Variants in CPEB3 observed in about 807,000 individuals in gnomAD.
The protein encoded by CPEB3 is cytoplasmic polyadenylation element-binding protein 3.
Under a neutral mutation model 67.2 loss-of-function variants are expected in CPEB3, and 20 were observed. The observed-to-expected ratio is 0.30, with a 90% confidence interval of 0.21 to 0.43. CPEB3 has a LOEUF of 0.43. CPEB3 is among the 20% of genes least tolerant of loss of function. CPEB3 has a pLI of 1.00. For missense variants in CPEB3, 746 were observed against 968.6 expected (o/e 0.77, Z 3.05); for synonymous variants, 376 against 393.1 (o/e 0.96, Z 0.51).
At position 92,142,038 on chromosome 10, in the gene CPEB3, AC is replaced by A. The variant is rs138057256; in HGVS notation, c.1453+990del. 2.7e-5 allele frequency among the ~76,000 whole-genome samples: 4 copies of A among 149,190 alleles called. 1 individual carries two copies. Among genetic ancestry groups the A allele is most frequent in the African/African-American group, 1.0e-4 (4 of 39,950 alleles). ...GTCTCAAAAAAAAAAACAAATAAAA[AC>A]AAAAAAAAAAAAAACAAAGAACAAG... is the stretch of plus-strand genomic sequence containing the variant. On this transcript the variant is annotated intron_variant, in intron 6 of 9. Transcript: ENST00000265997.
chr10:92,098,588 G>A (rs745728272), intron 7 of CPEB3, among the ~76,000 whole-genome samples: 2 of 151,960 alleles, frequency 1.3e-5, no homozygotes, highest in East Asian at 1.9e-4. Flanking sequence ...TCCATCCCAG[G>A]CCTTTTCCTC....
chr10:92,120,516 G>A (rs1244892859), intron 6 of CPEB3, among the ~76,000 whole-genome samples: 11 of 151,914 alleles, frequency 7.2e-5, no homozygotes, highest in Non-Finnish European at 1.0e-4. Flanking sequence ...CCCAGGAGGC[G>A]GAGCTTGCAG....
At chr10:92,112,544 T>C (rs1350940135) in intron 6 of CPEB3, among the ~76,000 whole-genome samples, 1 of 152,166 alleles carries the variant, frequency 6.6e-6, no homozygotes, top group African/African-American at 2.4e-5. Flanking sequence ...GGGGACAAAA[T>C]GTGTCACTGA....
chr10:92,268,878 C>A (rs1328545270), intron 1 of CPEB3, among the ~76,000 whole-genome samples: 1 of 152,016 alleles, frequency 6.6e-6, no homozygotes, highest in East Asian at 1.9e-4. Context: ...CACTACGAAA[C>A]CAAGATTTGC....
chr10:92,088,878 C>A (rs1214205497), intron 8 of CPEB3, among the ~76,000 whole-genome samples: 1 of 152,166 alleles, frequency 6.6e-6, no homozygotes, highest in African/African-American at 2.4e-5. Context: ...ATAAAAAATG[C>A]TCTAAAGCAT....
At chr10:92,200,266 C>T (rs1055798749) in intron 2 of CPEB3, among the ~76,000 whole-genome samples, 2 of 151,714 alleles carry the variant, frequency 1.3e-5, no homozygotes, top group African/African-American at 2.4e-5. Flanking sequence ...GCATACAGGC[C>T]GGGCACGGTG....
intron 1 of CPEB3, among the ~76,000 whole-genome samples, chr10:92,280,774 T>TC (rs1176745791): frequency 6.8e-6 from 1 of 147,116 alleles, no homozygotes. Flanking sequence ...TTTTTTTTTT[T>TC]TGGAGACGGA....
At chr10:92,123,095 G>A (rs896282937) in intron 6 of CPEB3, among the ~76,000 whole-genome samples, 1 of 152,286 alleles carries the variant, frequency 6.6e-6, no homozygotes. Context: ...AGCCGGCAGC[G>A]TAGAACCACC....
chr10:92,258,106 T>C (rs961731758), intron 1 of CPEB3, among the ~76,000 whole-genome samples: 6 of 151,638 alleles, frequency 4.0e-5, no homozygotes, highest in Non-Finnish European at 7.4e-5. Context: ...TCTTTCCTTT[T>C]TTTTTTTCTG....
intron 2 of CPEB3, among the ~76,000 whole-genome samples, chr10:92,194,799 T>C (rs1849151735): frequency 6.6e-6 from 1 of 152,108 alleles, no homozygotes; most frequent in East Asian, 1.9e-4. Flanking sequence ...CCCAGCACTT[T>C]GGGAGGCTGA....
chr10:92,107,283 T>C (rs761909604), intron 7 of CPEB3, among the ~76,000 whole-genome samples: 5 of 152,206 alleles, frequency 3.3e-5, no homozygotes, highest in Admixed American at 2.0e-4. Flanking sequence ...TTTGGTAATA[T>C]GGTTTTTAAA....
At chr10:92,247,298 A>C (rs1406275847) in intron 1 of CPEB3, among the ~76,000 whole-genome samples, 1 of 151,988 alleles carries the variant, frequency 6.6e-6, no homozygotes, top group Non-Finnish European at 1.5e-5. Flanking sequence ...GCTAACTGCA[A>C]CCTCCACCTC....
At chr10:92,247,578 G>A (rs1377437228) in intron 1 of CPEB3, among the ~76,000 whole-genome samples, 1 of 152,052 alleles carries the variant, frequency 6.6e-6, no homozygotes, top group African/African-American at 2.4e-5. Flanking sequence ...TGTATTTTTA[G>A]TAGAGATGGG....
intron 8 of CPEB3, 59 bp downstream of exon 8, chr10:92,091,771 G>C: frequency 1.0e-6 from 1 of 991,202 alleles, no homozygotes; most frequent in South Asian, 1.4e-5. Flanking sequence ...TAAGACTAAA[G>C]GCATTGGGGA....
At chr10:92,266,164 G>A (rs1257591863) in intron 1 of CPEB3, among the ~76,000 whole-genome samples, 1 of 152,094 alleles carries the variant, frequency 6.6e-6, no homozygotes, top group African/African-American at 2.4e-5. Flanking sequence ...CTACATAACT[G>A]TAAGAAATAA....
At chr10:92,241,646 G>GCTAT (rs1851856405) in intron 1 of CPEB3, among the ~76,000 whole-genome samples, 1 of 152,072 alleles carries the variant, frequency 6.6e-6, no homozygotes, top group Non-Finnish European at 1.5e-5. Flanking sequence ...ACAGAGAAGG[G>GCTAT]CTATATTCAC....
At chr10:92,287,582 T>C (rs530853573) in intron 1 of CPEB3, among the ~76,000 whole-genome samples, 6 of 152,318 alleles carry the variant, frequency 3.9e-5, no homozygotes, top group African/African-American at 7.2e-5. Flanking sequence ...TAATAAAGAA[T>C]TATCAGTTAT....
chr10:92,093,771 G>C (rs140264328), intron 7 of CPEB3, among the ~76,000 whole-genome samples: 8 of 152,232 alleles, frequency 5.3e-5, no homozygotes, highest in African/African-American at 1.2e-4. Flanking sequence ...CAAAGTGTTA[G>C]GATGATAGGC....
Position 92,258,628 on chromosome 10 carries a change from ATATAT to A in CPEB3, c.-11-18272_-11-18268del, listed in dbSNP as rs1300802873. On this transcript the variant is annotated intron_variant, in intron 1 of 9. Coordinates refer to ENST00000265997, the MANE Select transcript of CPEB3 (RefSeq NM_014912.5). ...CAGACTTCAATTATATTTTTTGAAT[ATATAT>A]ATATATATATATATATATATATATA... 6.0e-3 allele frequency among the ~76,000 whole-genome samples: 505 copies of A among 84,152 alleles called. 43 individuals are homozygous for A. Among genetic ancestry groups the A allele is most frequent in the African/African-American group, 0.017 (297 of 17,924 alleles). 55.2% of individuals were successfully genotyped at this position (84,152 alleles called of 152,430 possible).
Sources: allele counts gnomAD v4.1 joint callset (sites outside exome capture counted in the v4.1 genomes callset), GRCh38; gene constraint gnomAD v4.1.1; transcripts MANE v1.5; gene names NCBI Gene and HGNC (gene_info 2026-07-23, HGNC 2026-07-21).